Variants in GTF3C2 observed in about 807,000 individuals in gnomAD.
GTF3C2 encodes the protein general transcription factor 3C polypeptide 2.
In GTF3C2, 17 loss-of-function variants were observed where a neutral mutation model predicts 117.4. That is an observed-to-expected ratio of 0.14 (90% CI 0.10 to 0.22). GTF3C2 has a LOEUF of 0.22. GTF3C2 is among the 10% of genes least tolerant of loss of function. GTF3C2 has a pLI of 1.00. For synonymous variants in GTF3C2, 437 were observed against 427.0 expected, an observed-to-expected ratio of 1.02 and a Z score of -0.29; for missense variants, 888 against 1,143.6, an observed-to-expected ratio of 0.78 and a Z score of 3.22.
At chr2:27,350,540 C>T (rs1681093319) in intron 1 of GTF3C2, 1 of 982,942 alleles carries the variant, frequency 1.0e-6, no homozygotes, top group Admixed American at 6.2e-5. Context: ...TGGCTCATGC[C>T]TGTAATCTCA....
intron 9 of GTF3C2, 97 bp from the exon 10 acceptor site, chr2:27,335,803 G>GA (rs1680446617): frequency 9.2e-7 from 1 of 1,081,620 alleles, no homozygotes; most frequent in African/African-American, 1.6e-5. Context: ...GAAGTTGCTG[G>GA]AAAAACTCCA....
chr2:27,328,519 T>A (rs1193474477), exon 16 of GTF3C2: 1 of 1,609,748 alleles, frequency 6.2e-7, no homozygotes, highest in South Asian at 1.1e-5. Flanking sequence ...GTGCCATATC[T>A]GGTAATATAG....
In GTF3C2 at chr2:27,343,583, A is replaced by T; in HGVS notation, c.-24-5T>A. On this transcript the variant is annotated splice_polypyrimidine_tract_variant and splice_region_variant and intron_variant, in intron 1 of 18. Coordinates refer to ENST00000264720, the Ensembl canonical transcript of GTF3C2. The stretch of plus-strand genomic sequence containing the variant: ...CACCCCCCAAAATGGCTGCCCCTGC[A>T]TACAGAGACACACAAATGAGTAGAG... The T allele has an allele frequency of 1.2e-6, 2 of 1,610,902 alleles. No individual in the cohort carries two copies. Among genetic ancestry groups the T allele is most frequent in the Non-Finnish European group, 1.7e-6 (2 of 1,177,738 alleles).
chr2:27,336,144 CCCATCCTGCTGTCCTCAA>C, intron 8 of GTF3C2, 36 bp downstream of exon 8: 1 of 1,460,044 alleles, frequency 6.8e-7, no homozygotes, highest in Non-Finnish European at 9.6e-7. Context: ...CTGTCCAGAC[CCCATCCTGCTGTCCTCAA>C]CCACCCTCCC....
intron 12 of GTF3C2, among the ~76,000 whole-genome samples, chr2:27,330,911 A>C (rs749016271): frequency 1.3e-5 from 2 of 151,840 alleles, no homozygotes; most frequent in Non-Finnish European, 2.9e-5. Flanking sequence ...GCAGTGAGCC[A>C]AGATCATGCC....
intron 1 of GTF3C2, among the ~76,000 whole-genome samples, chr2:27,355,318 C>A (rs576942099): frequency 6.6e-6 from 1 of 152,134 alleles, no homozygotes; most frequent in Admixed American, 6.5e-5. Flanking sequence ...GTCACAAGTT[C>A]GAGACCAGCC....
intron 1 of GTF3C2, among the ~76,000 whole-genome samples, chr2:27,348,412 C>G (rs1428763034): frequency 6.7e-6 from 1 of 150,298 alleles, no homozygotes; most frequent in Non-Finnish European, 1.5e-5. Flanking sequence ...TGCACTCCAG[C>G]CTGGAGTTGA....
chr2:27,337,710 G>A (rs773226104), intron 5 of GTF3C2, 152 bp from the exon 6 acceptor site: 73 of 699,126 alleles, frequency 1.0e-4, no homozygotes, highest in Non-Finnish European at 1.6e-4. Flanking sequence ...CCTAAAATGT[G>A]GCTAGCGCAG....
chr2:27,333,082 G>A (rs1451230703), intron 12 of GTF3C2, among the ~76,000 whole-genome samples: 1 of 151,460 alleles, frequency 6.6e-6, no homozygotes, highest in Non-Finnish European at 1.5e-5. Flanking sequence ...CCAGCCTCAA[G>A]TGATTCCCTC....
At chr2:27,327,149 G>C (rs946045245) in intron 18 of GTF3C2, 28 bp downstream of exon 18, 38 of 1,197,698 alleles carry the variant, frequency 3.2e-5, no homozygotes, top group Non-Finnish European at 4.7e-5. Context: ...GGAAATGAGA[G>C]TGGAGGGTGG....
At chr2:27,333,585 A>C (rs764756046) in intron 12 of GTF3C2, 70 bp downstream of exon 12, 6 of 1,054,814 alleles carry the variant, frequency 5.7e-6, no homozygotes, top group Middle Eastern at 2.4e-4. Context: ...CAAAGAAAGA[A>C]CCAAAAAACA....
chr2:27,333,876 G>T, intron 11 of GTF3C2, 92 bp from the exon 12 acceptor site: 1 of 1,473,432 alleles, frequency 6.8e-7, no homozygotes, highest in South Asian at 1.1e-5. Context: ...GCAGGATGAG[G>T]GTATTTTTCA....
At chr2:27,353,768 G>A (rs2148347706) in intron 1 of GTF3C2, among the ~76,000 whole-genome samples, 1 of 152,252 alleles carries the variant, frequency 6.6e-6, no homozygotes, top group South Asian at 2.1e-4. Flanking sequence ...CACCCAGGCT[G>A]GAATGCAGTA....
intron 1 of GTF3C2, chr2:27,350,306 A>C (rs1681085631): frequency 1.8e-6 from 1 of 558,962 alleles, no homozygotes; most frequent in South Asian, 7.8e-5. Context: ...GTTCTACCCC[A>C]GACCTACCGA....
At chr2:27,328,518 C>G (rs1465617746) in exon 16 of GTF3C2, 1 of 1,610,392 alleles carries the variant, frequency 6.2e-7, no homozygotes, top group African/African-American at 1.3e-5. Flanking sequence ...AGTGCCATAT[C>G]TGGTAATATA....
At chr2:27,348,522 A>G (rs1681000168) in intron 1 of GTF3C2, among the ~76,000 whole-genome samples, 1 of 152,132 alleles carries the variant, frequency 6.6e-6, no homozygotes, top group Non-Finnish European at 1.5e-5. Context: ...AAGAAAGAAT[A>G]GGACCAGGTA....
In GTF3C2 at chr2:27,329,363, ACCT is replaced by A; in HGVS notation, c.1877+13_1877+15del. The A allele has an allele frequency of 6.2e-7, 1 of 1,613,690 alleles. No individual in the cohort carries two copies. Among genetic ancestry groups the A allele is most frequent in the Non-Finnish European group, 8.5e-7 (1 of 1,179,860 alleles). On this transcript the variant is annotated intron_variant, in intron 13 of 18. Coordinates refer to ENST00000264720, the Ensembl canonical transcript of GTF3C2. The surrounding 1 kb of genome is among the most constrained non-coding windows in gnomAD (Gnocchi z 4.5). ...CAGTCTTCACCTTCCCCCTCCACAT[ACCT>A]CCTATTCCATACCTGTTAGCTTTGC...
intron 15 of GTF3C2, 24 bp from the exon 16 acceptor site, chr2:27,328,620 T>C (rs1558611732): frequency 3.8e-6 from 6 of 1,594,098 alleles, no homozygotes; most frequent in Non-Finnish European, 5.2e-6. Context: ...ACAGATTTCA[T>C]TCATTCATAT....
At chr2:27,338,454 A>ACGCGCG (rs1170410126) in intron 4 of GTF3C2, among the ~76,000 whole-genome samples, 2 of 56,436 alleles carry the variant, frequency 3.5e-5, no homozygotes, top group African/African-American at 7.4e-5. Context: ...GCGCACGCGC[A>ACGCGCG]CGCGCGCACA....
Sources: allele counts gnomAD v4.1 joint callset (sites outside exome capture counted in the v4.1 genomes callset), GRCh38; gene constraint gnomAD v4.1.1; non-coding constraint Gnocchi (gnomAD v3.1); transcripts MANE v1.5; gene names NCBI Gene and HGNC (gene_info 2026-07-23, HGNC 2026-07-21).